Variants in RHOBTB3 observed in about 807,000 individuals in gnomAD.
RHOBTB3 encodes the protein rho-related BTB domain-containing protein 3.
A neutral mutation model predicts 67.2 loss-of-function variants in RHOBTB3; 47 were observed. The ratio of observed to expected loss-of-function variants is 0.70; its 90% CI spans 0.55 to 0.89. The LOEUF (loss-of-function observed/expected upper bound fraction) is 0.89, where lower values mean the gene tolerates loss of function less well. Among genes scored for constraint, RHOBTB3 ranks in the 40% least tolerant of loss-of-function variants. The pLI is 0.00. For synonymous variants in RHOBTB3, 273 were observed against 274.2 expected (o/e 1.00, Z 0.04); for missense variants, 631 against 750.0 (o/e 0.84, Z 1.85).
chr5:95,736,784 T>C, intron 2 of RHOBTB3, 105 bp from the exon 3 acceptor site: 3 of 745,006 alleles, frequency 4.0e-6, no homozygotes, highest in Non-Finnish European at 6.3e-6. Flanking sequence ...TAGTTACTTA[T>C]TTTAAAATAA....
chr5:95,721,514 CA>C (rs1003741401), intron 1 of RHOBTB3, among the ~76,000 whole-genome samples: 1 of 151,708 alleles, frequency 6.6e-6, no homozygotes, highest in African/African-American at 2.4e-5. Context: ...TAAATATAGC[CA>C]GGGGAAAGAA....
chr5:95,762,097 T>C (rs1261127966), intron 6 of RHOBTB3, among the ~76,000 whole-genome samples: 1 of 152,226 alleles, frequency 6.6e-6, no homozygotes, highest in African/African-American at 2.4e-5. Context: ...TGGCACCAGC[T>C]TGTGAGAGCC....
At chr5:95,756,172 TTTCCAGCCCCTG>T in intron 6 of RHOBTB3, 1 of 160,054 alleles carries the variant, frequency 6.2e-6, no homozygotes, top group Non-Finnish European at 1.4e-5. Flanking sequence ...TTCCGACCTC[TTTCCAGCCCCTG>T]ACAGCCACCA....
chr5:95,792,591 G>T (rs181600014), intron 11 of RHOBTB3, among the ~76,000 whole-genome samples: 1 of 151,808 alleles, frequency 6.6e-6, no homozygotes, highest in Non-Finnish European at 1.5e-5. Context: ...AGGAGATCGA[G>T]ACCATCCTGG....
At chr5:95,738,208 A>G (rs2112778073) in intron 3 of RHOBTB3, among the ~76,000 whole-genome samples, 1 of 152,290 alleles carries the variant, frequency 6.6e-6, no homozygotes, top group South Asian at 2.1e-4. Context: ...AGATACAAGT[A>G]AGGCAGGCAT....
chr5:95,731,105 G>A, upstream of RHOBTB3: 5 of 1,108,602 alleles, frequency 4.5e-6, no homozygotes, highest in Non-Finnish European at 4.5e-6. Flanking sequence ...GAGCTCTCGG[G>A]CTGGGGCGTT....
intron 10 of RHOBTB3, among the ~76,000 whole-genome samples, chr5:95,787,816 A>G (rs1197689556): frequency 1.3e-5 from 2 of 152,214 alleles, no homozygotes; most frequent in African/African-American, 4.8e-5. Flanking sequence ...TAGAGACAGA[A>G]AGTAAAACAG....
intron 10 of RHOBTB3, among the ~76,000 whole-genome samples, chr5:95,784,413 TG>T (rs1262970757): frequency 3.3e-5 from 5 of 152,254 alleles, no homozygotes; most frequent in Admixed American, 1.3e-4. Context: ...ATAATGAACA[TG>T]TTTTGAAGTT....
In RHOBTB3 at chr5:95,731,460, G is replaced by T. The variant is rs535047917; in HGVS notation, c.-223G>T. ...TGTTCCCGGGCACTCCCTGAGTAGC[G>T]GCAGCTTATCCCCCGCCCGCTAGCC... On this transcript the variant is annotated 5_prime_UTR_variant, in exon 1 of 12. Coordinates refer to ENST00000379982, the MANE Select transcript of RHOBTB3 (RefSeq NM_014899.4). 76 of 1,213,776 alleles carry T rather than the reference G, an allele frequency of 6.3e-5. No homozygotes were observed. In the African/African-American group the frequency reaches 1.1e-3, roughly 18 times the overall value. The allele number at this position is 1,213,776 out of a possible 1,614,324, so 75.2% of individuals were successfully genotyped here. A position where few individuals can be genotyped will look rare whatever the true frequency, so the allele number is the denominator to read the frequency against.
At chr5:95,753,555 A>G (rs1026362770) in intron 5 of RHOBTB3, among the ~76,000 whole-genome samples, 8 of 152,212 alleles carry the variant, frequency 5.3e-5, no homozygotes, top group Non-Finnish European at 1.0e-4. Context: ...TCTCTTTAAA[A>G]AAGTGCAGAT....
rs1745228340 is a variant in RHOBTB3, at chr5:95,755,821, C to G, written c.1048+60C>G. ...TCATAAGCTTTGGAAATGAAATGTG[C>G]CTGTGACACTCAAGGGTACTGGTTA... On this transcript the variant is annotated intron_variant, in intron 6 of 11. Coordinates refer to ENST00000379982, the MANE Select transcript of RHOBTB3 (RefSeq NM_014899.4). 6 of 1,554,198 alleles carry G rather than the reference C, an allele frequency of 3.9e-6. No homozygotes were observed. In the East Asian group the frequency reaches 1.3e-4, roughly 35 times the overall value.
intron 3 of RHOBTB3, among the ~76,000 whole-genome samples, chr5:95,739,548 T>C (rs945341168): frequency 6.6e-6 from 1 of 152,226 alleles, no homozygotes; most frequent in East Asian, 1.9e-4. Context: ...CAGACATTTT[T>C]AAATGTATGT....
At chr5:95,784,192 AT>A (rs556646362) in intron 10 of RHOBTB3, among the ~76,000 whole-genome samples, 4 of 152,124 alleles carry the variant, frequency 2.6e-5, no homozygotes, top group African/African-American at 7.2e-5. Context: ...CAGATACGGA[AT>A]TTTTTTAACT....
intron 3 of RHOBTB3, among the ~76,000 whole-genome samples, chr5:95,739,812 T>A (rs1438251970): frequency 1.3e-5 from 2 of 152,212 alleles, no homozygotes; most frequent in Non-Finnish European, 2.9e-5. Flanking sequence ...CCCAAAGTGC[T>A]GGGGTTACAG....
At chr5:95,782,804 C>A (rs1746092747) in intron 9 of RHOBTB3, 2 of 104,662 alleles carry the variant, frequency 1.9e-5, no homozygotes, top group African/African-American at 3.8e-5. Context: ...AGTGAGACTC[C>A]ATCTCAAAAA....
intron 1 of RHOBTB3, among the ~76,000 whole-genome samples, chr5:95,720,370 G>T (rs1007684814): frequency 6.6e-6 from 1 of 152,166 alleles, no homozygotes; most frequent in African/African-American, 2.4e-5. Flanking sequence ...TTATGATGGG[G>T]ATCATTAGCA....
At chr5:95,747,419 C>T (rs1056925607) in intron 3 of RHOBTB3, among the ~76,000 whole-genome samples, 2 of 152,232 alleles carry the variant, frequency 1.3e-5, no homozygotes, top group Non-Finnish European at 2.9e-5. Flanking sequence ...TCTGCCTCCC[C>T]ACGGGAAGCC....
intron 9 of RHOBTB3, chr5:95,782,182 A>ATTG (rs1249113116): frequency 6.6e-6 from 1 of 152,266 alleles, no homozygotes; most frequent in African/African-American, 2.4e-5. Flanking sequence ...GAATCTGTGC[A>ATTG]TTGGGAAGAT....
intron 8 of RHOBTB3, among the ~76,000 whole-genome samples, chr5:95,773,345 T>G (rs1318262920): frequency 1.3e-5 from 2 of 152,122 alleles, no homozygotes; most frequent in Non-Finnish European, 2.9e-5. Flanking sequence ...AAACCAAGTC[T>G]TCTTAGGAGT....
Sources: allele counts gnomAD v4.1 joint callset (sites outside exome capture counted in the v4.1 genomes callset), GRCh38; gene constraint gnomAD v4.1.1; transcripts MANE v1.5; gene names NCBI Gene and HGNC (gene_info 2026-07-23, HGNC 2026-07-21).